The following CACNA2D3 variants were observed in gnomAD, a reference collection of about 807,000 sequenced individuals.
CACNA2D3 encodes the protein voltage-dependent calcium channel subunit alpha-2/delta-3.
Under a neutral mutation model 160.6 loss-of-function variants are expected in CACNA2D3, and 60 were observed. The ratio of observed to expected loss-of-function variants is 0.37; its 90% confidence interval spans 0.30 to 0.46. The LOEUF is 0.46. Among genes scored for constraint, CACNA2D3 ranks in the 20% least tolerant of loss-of-function variants. The pLI is 1.00. For missense variants in CACNA2D3, 1,205 were observed against 1,365.0 expected (o/e 0.88, Z 1.85); for synonymous variants, 558 against 492.9 (o/e 1.13, Z -1.75).
chr3:54,630,426 T>G (rs1337500961), intron 10 of CACNA2D3, among the ~76,000 whole-genome samples: 2 of 152,180 alleles, frequency 1.3e-5, no homozygotes, highest in Admixed American at 1.3e-4. Flanking sequence ...CATGCGCAGT[T>G]TAATGCCGGC....
intron 2 of CACNA2D3, among the ~76,000 whole-genome samples, chr3:54,292,662 A>G (rs1424232305): frequency 3.3e-5 from 5 of 152,214 alleles, no homozygotes; most frequent in Non-Finnish European, 7.3e-5. Flanking sequence ...GACTATAACC[A>G]AAAAGTCAGA....
chr3:54,246,067 A>G (rs182384858), intron 2 of CACNA2D3, among the ~76,000 whole-genome samples: 56 of 152,286 alleles, frequency 3.7e-4, no homozygotes, highest in South Asian at 1.7e-3. Context: ...ACAAACATCT[A>G]TATATTTGCT....
chr3:54,839,716 T>G (rs771944040), intron 16 of CACNA2D3, among the ~76,000 whole-genome samples: 2 of 152,098 alleles, frequency 1.3e-5, no homozygotes, highest in Non-Finnish European at 2.9e-5. Context: ...ACCACAGCTG[T>G]GAGGGGGACC....
At chr3:54,499,423 A>AC (rs1701252555) in intron 4 of CACNA2D3, among the ~76,000 whole-genome samples, 1 of 152,126 alleles carries the variant, frequency 6.6e-6, no homozygotes, top group Non-Finnish European at 1.5e-5. Context: ...TTTGCAGAAT[A>AC]AAAAATATAC....
chr3:54,776,862 C>G (rs1279174286), intron 13 of CACNA2D3, among the ~76,000 whole-genome samples: 1 of 152,150 alleles, frequency 6.6e-6, no homozygotes, highest in Non-Finnish European at 1.5e-5. Flanking sequence ...GTGGGAAGCC[C>G]TCTCCCTTGT....
chr3:54,223,353 T>C (rs1701608921), intron 2 of CACNA2D3, among the ~76,000 whole-genome samples: 1 of 152,214 alleles, frequency 6.6e-6, no homozygotes, highest in Admixed American at 6.5e-5. Flanking sequence ...CGATGATAAG[T>C]ATTTGAATAT....
chr3:54,714,117 T>C (rs1174794142), intron 11 of CACNA2D3, among the ~76,000 whole-genome samples: 1 of 152,120 alleles, frequency 6.6e-6, no homozygotes, highest in East Asian at 1.9e-4. Flanking sequence ...TTATATCTTG[T>C]CTTGGGTTGT....
intron 5 of CACNA2D3, among the ~76,000 whole-genome samples, chr3:54,535,552 C>G (rs568583596): frequency 4.1e-4 from 63 of 152,236 alleles, no homozygotes; most frequent in African/African-American, 1.4e-3. Context: ...TCTCTCTGTG[C>G]CTGCCATCTC....
intron 27 of CACNA2D3, among the ~76,000 whole-genome samples, chr3:54,908,661 G>C (rs1444673764): frequency 6.6e-6 from 1 of 152,222 alleles, no homozygotes; most frequent in Non-Finnish European, 1.5e-5. Flanking sequence ...AGGCTGCAGT[G>C]AGCCGAGATC....
chr3:54,602,697 G>T (rs1703086260), intron 9 of CACNA2D3, among the ~76,000 whole-genome samples: 1 of 152,018 alleles, frequency 6.6e-6, no homozygotes, highest in Admixed American at 6.6e-5. Context: ...TGTTTGTGGG[G>T]TGCCTTCAAA....
chr3:54,642,310 C>A, intron 11 of CACNA2D3, 69 bp downstream of exon 11: 5 of 874,064 alleles, frequency 5.7e-6, no homozygotes, highest in Non-Finnish European at 8.8e-6. Context: ...TCCAGCTTGT[C>A]CATGAGTAAG....
Position 54,933,892 on chromosome 3 carries a change from C to T in CACNA2D3, c.2449+34024C>T, listed in dbSNP as rs537068146. Among the ~76,000 whole-genome samples, 13 of 152,024 alleles carry T rather than the reference C, an allele frequency of 8.6e-5. No homozygotes were observed. The South Asian group carries it at 1.7e-3, about 19-fold the overall frequency. The stretch of plus-strand genomic sequence containing the variant: ...CAAGCAATTCTCCTGCCTCAGCCTC[C>T]GGAGTAGCTGGGATTACAGGCACAC... On this transcript the variant is annotated intron_variant, in intron 27 of 37. Transcript: ENST00000474759.
At chr3:55,060,593 AG>A (rs1175645259) in intron 35 of CACNA2D3, among the ~76,000 whole-genome samples, 2 of 152,224 alleles carry the variant, frequency 1.3e-5, no homozygotes, top group East Asian at 1.9e-4. Context: ...TGCTTAGAAA[AG>A]GGTTTGGCAT....
intron 2 of CACNA2D3, among the ~76,000 whole-genome samples, chr3:54,243,831 T>A (rs1655625180): frequency 6.6e-6 from 1 of 152,154 alleles, no homozygotes. Context: ...AGCCTTATCC[T>A]CCTTAGCTCT....
intron 2 of CACNA2D3, among the ~76,000 whole-genome samples, chr3:54,268,104 T>G (rs1223387085): frequency 6.6e-6 from 1 of 152,212 alleles, no homozygotes; most frequent in Non-Finnish European, 1.5e-5. Context: ...TTTTGGCAAT[T>G]GGGAATATTA....
intron 3 of CACNA2D3, among the ~76,000 whole-genome samples, chr3:54,339,885 C>G (rs1192673514): frequency 2.0e-5 from 3 of 152,054 alleles, no homozygotes; most frequent in African/African-American, 7.2e-5. Flanking sequence ...TCATCAGACC[C>G]TAATTTTCTT....
chr3:54,377,584 A>G (rs896530199), intron 3 of CACNA2D3, among the ~76,000 whole-genome samples: 3 of 152,244 alleles, frequency 2.0e-5, no homozygotes, highest in African/African-American at 7.2e-5. Context: ...AGATTCACAC[A>G]CTGAGGTACA....
At chr3:54,439,745 C>G (rs1453908367) in intron 4 of CACNA2D3, among the ~76,000 whole-genome samples, 2 of 152,108 alleles carry the variant, frequency 1.3e-5, no homozygotes, top group African/African-American at 2.4e-5. Flanking sequence ...CCCTTGACCT[C>G]TAGGAAATAC....
chr3:54,501,734 T>C (rs898879735), intron 4 of CACNA2D3, among the ~76,000 whole-genome samples: 1 of 152,164 alleles, frequency 6.6e-6, no homozygotes, highest in African/African-American at 2.4e-5. Flanking sequence ...ATTCTTCCTG[T>C]CTTAATGCAG....
Sources: allele counts gnomAD v4.1 joint callset (sites outside exome capture counted in the v4.1 genomes callset), GRCh38; gene constraint gnomAD v4.1.1; transcripts MANE v1.5; gene names NCBI Gene and HGNC (gene_info 2026-07-23, HGNC 2026-07-21).